Variants in ABCC8 observed in about 807,000 individuals in gnomAD.
ABCC8 encodes the protein ATP binding cassette subfamily C member 8.
In ABCC8, 137 loss-of-function variants were observed where a neutral mutation model predicts 188.0. The observed-to-expected ratio is 0.73, with a 90% confidence interval of 0.63 to 0.84. The LOEUF is 0.84. ABCC8 is among the 40% of genes least tolerant of loss of function. The pLI, the probability that ABCC8 is intolerant of heterozygous loss-of-function variation, is 0.00. For synonymous variants in ABCC8, 797 were observed against 846.5 expected (o/e 0.94, Z 1.01); for missense variants, 1,750 against 2,072.7 (o/e 0.84, Z 3.02).
rs1388582065 is a variant in ABCC8 at position 17,470,101 on chromosome 11, C to A, written c.412G>T (p.Ala138Ser). The A allele has an allele frequency of 1.2e-6, 2 of 1,614,068 alleles. No homozygotes were observed. The highest frequency in any genetic ancestry group is 2.2e-5 in the South Asian group (2 of 91,068). ...ETSNFPKLLI[A>S]LLVYWTLAFI... is the part of the protein sequence containing the mutation. ...CCCCTCCCTCCTACACCTCACCTAC[C>A]AATTAGCAGCTTGGGGAAGTTGGAA... is the stretch of plus-strand genomic sequence containing the variant. The change falls in exon 3 of 39, where the codon GCC becomes TCC. Residue 138 changes from alanine (A) to serine (S), a missense_variant and splice_region_variant. By Grantham distance (99) the Ala-to-Ser change is moderately conservative. Transcript: ENST00000389817.
chr11:17,407,027 C>A lies in ABCC8; in HGVS notation c.3023G>T (p.Gly1008Val). The change falls in exon 25 of 39, where the codon GGC (glycine) becomes GTC (valine). Residue 1008 changes from glycine to valine, a missense_variant. Coordinates refer to ENST00000389817, the MANE Select transcript of ABCC8 (RefSeq NM_000352.6). ...GACCAGCAACGACAGGAGCAGGATG[C>A]CGGCGGAGGACAGGTACTTGGCGCA... ...RACAKYLSSA[G>V]ILLLSLLVFS... 6.2e-7 allele frequency: 1 copy of A among 1,614,180 alleles called. No individual in the cohort carries two copies. The highest frequency in any genetic ancestry group is 8.5e-7 in the Non-Finnish European group (1 of 1,180,048).
At chr11:17,457,360 A>T (rs941391554) in intron 6 of ABCC8, among the ~76,000 whole-genome samples, 1 of 152,168 alleles carries the variant, frequency 6.6e-6, no homozygotes, top group Non-Finnish European at 1.5e-5. Context: ...TCTTAGGGGA[A>T]CTCATTCGGA....
Position 17,463,521 on chromosome 11 carries a change from G to T in ABCC8, c.496C>A (p.Gln166Lys), listed in dbSNP as rs1591896370. The T allele has an allele frequency of 3.1e-6, 5 of 1,599,410 alleles. No individual in the cohort carries two copies. Among genetic ancestry groups the T allele is most frequent in the Non-Finnish European group, 4.3e-6 (5 of 1,173,366 alleles). The change falls in exon 4 of 39, where the codon CAG (glutamine) becomes AAG (lysine). Residue 166 changes from glutamine (Q) to lysine (K), a missense_variant. Physicochemically the swap from Gln to Lys is moderately conservative, Grantham distance 53. Coordinates refer to ENST00000389817, the MANE Select transcript of ABCC8 (RefSeq NM_000352.6). ...KFLDHAIGFS[Q>K]LRFCLTGLLV... Reference sequence around the variant, plus strand: ...AGCCCTGTGAGGCAGAAGCGTAGCTGCGAGAAGCCGATGGCGTGGTCCAAG... The same window carrying T: ...AGCCCTGTGAGGCAGAAGCGTAGCTTCGAGAAGCCGATGGCGTGGTCCAAG...
At chr11:17,446,252 C>T (rs1320287595) in intron 8 of ABCC8, among the ~76,000 whole-genome samples, 1 of 152,114 alleles carries the variant, frequency 6.6e-6, no homozygotes, top group Non-Finnish European at 1.5e-5. Flanking sequence ...AGGAGCGAGC[C>T]ACCATGCCTG....
rs1035174574 is a variant in ABCC8 at position 17,410,420 on chromosome 11, C to A, written c.2694+96G>T. Reference sequence around the variant, plus strand: ...GTCTCTTATGCTTTGTGGCCCTCAGCAGTTGCTACCAAGACAACGGATTGG... The same window carrying A: ...GTCTCTTATGCTTTGTGGCCCTCAGAAGTTGCTACCAAGACAACGGATTGG... On this transcript the variant is annotated intron_variant, in intron 22 of 38. Transcript: ENST00000389817. 5.1e-6 allele frequency: 7 copies of A among 1,364,474 alleles called. No homozygotes were observed. In the East Asian group the frequency reaches 1.6e-4, roughly 31 times the overall value. The allele number at this position is 1,364,474 out of a possible 1,614,324, so 84.5% of individuals were successfully genotyped here.
At chr11:17,407,245 T>C in intron 24 of ABCC8, 109 bp downstream of exon 24, 3 of 1,610,256 alleles carry the variant, frequency 1.9e-6, no homozygotes, top group Non-Finnish European at 2.5e-6. Flanking sequence ...AGGGAAGCCA[T>C]TTAATCAAAG....
Position 17,428,684 on chromosome 11 carries a change from A to G in ABCC8, c.1818-14T>C. ...AGCTTTTGCACGCTGCTCGGGAAGC[A>G]CAGAGACACCCCTCACCCCTGCCAG... On this transcript the variant is annotated splice_polypyrimidine_tract_variant and intron_variant, in intron 12 of 38. Transcript: ENST00000389817. 2.5e-6 allele frequency: 4 copies of G among 1,611,124 alleles called. No individual in the cohort carries two copies. The highest frequency in any genetic ancestry group is 3.4e-6 in the Non-Finnish European group (4 of 1,180,014).
rs1427395321 is a variant in ABCC8 at position 17,427,916 on chromosome 11, G to T, written c.2067C>A (p.Thr689=). ...VQIMGGYFTW[T]PDGIPTLSNI... Reference sequence around the variant, plus strand: ...TGGACAGTGTGGGGATTCCATCTGGGGTCCACGTGAAGTAGCCTCCCATGA... The same window carrying T: ...TGGACAGTGTGGGGATTCCATCTGGTGTCCACGTGAAGTAGCCTCCCATGA... Residue 689 remains threonine, a synonymous_variant, in exon 15 of 39, where the codon ACC becomes ACA. Transcript: ENST00000389817. The surrounding 1 kb of genome is among the most constrained non-coding windows in gnomAD (Gnocchi z 5.0). The T allele has an allele frequency of 6.2e-7, 1 of 1,614,016 alleles. No homozygotes were observed. The highest frequency in any genetic ancestry group is 8.5e-7 in the Non-Finnish European group (1 of 1,179,958).
chr11:17,407,677 T>C (rs755493132), intron 23 of ABCC8, among the ~76,000 whole-genome samples: 23 of 152,192 alleles, frequency 1.5e-4, no homozygotes, highest in Non-Finnish European at 3.1e-4. Flanking sequence ...ACTCTTCCCC[T>C]GTTTTTAGTC....
At chr11:17,394,999 G>T in intron 36 of ABCC8, 173 bp downstream of exon 36, 1 of 790,402 alleles carries the variant, frequency 1.3e-6, no homozygotes, top group Non-Finnish European at 2.0e-6. Context: ...TGTGACCTGG[G>T]GCAAGACACC....
Position 17,470,197 on chromosome 11 carries a change from G to C in ABCC8, c.316C>G (p.Leu106Val). Residue 106 changes from leucine to valine, a missense_variant, in exon 3 of 39, where the codon CTG becomes GTG. Transcript: ENST00000389817. ...AACGCCATCCCGGCTGGCATGTACA[G>C]GTGCAGATGGTGGGATTCGGTCACC... ...DGVTESHHLH[L>V]YMPAGMAFMA... The C allele has an allele frequency of 6.2e-7, 1 of 1,614,202 alleles. No individual in the cohort carries two copies. The highest frequency in any genetic ancestry group is 2.2e-5 in the East Asian group (1 of 44,882).
downstream of ABCC8, chr11:17,392,878 C>T (rs547174051): frequency 2.3e-6 from 3 of 1,324,832 alleles, no homozygotes; most frequent in South Asian, 3.6e-5. Flanking sequence ...AGACTTAGGG[C>T]CTCTAGTAGG....
Position 17,442,790 on chromosome 11 carries a change from C to T in ABCC8, c.1560G>A (p.Thr520=), listed in dbSNP as rs771102562. 12 of 1,613,958 alleles carry T rather than the reference C, an allele frequency of 7.4e-6. No individual in the cohort carries two copies. In the East Asian group the frequency reaches 8.9e-5, roughly 12 times the overall value. The change falls in exon 10 of 39, where the codon ACG becomes ACA. Residue 520 remains threonine, a synonymous_variant. Coordinates refer to ENST00000389817, the MANE Select transcript of ABCC8 (RefSeq NM_000352.6). The part of the protein sequence containing the change: ...KLYAWENIFR[T]RVETTRRKEM... Reference sequence around the variant, plus strand: ...CCTTCCTGCGGGTCGTCTCCACCCGCGTGCGGAAGATGTTCTCCCAGGCGT... The same window carrying T: ...CCTTCCTGCGGGTCGTCTCCACCCGTGTGCGGAAGATGTTCTCCCAGGCGT...
intron 12 of ABCC8, 111 bp downstream of exon 12, chr11:17,430,703 T>TG: frequency 1.6e-6 from 2 of 1,251,776 alleles, no homozygotes; most frequent in Admixed American, 3.4e-5. Flanking sequence ...GGCCCAGCAA[T>TG]GGGGGTGTGT....
chr11:17,440,192 C>T, intron 10 of ABCC8, among the ~76,000 whole-genome samples: 1 of 152,156 alleles, frequency 6.6e-6, no homozygotes, highest in East Asian at 1.9e-4. Flanking sequence ...CTCTCTATCT[C>T]AGCAACGACA....
Position 17,459,369 on chromosome 11 carries a change from A to G in ABCC8, c.1011+1119T>C, listed in dbSNP as rs573894326. Reference sequence around the variant, plus strand: ...ATTGCTTTCATATTCCCACAGCCCAACCCAGGCCTGGCACACAGCAGTGTT... The same window carrying G: ...ATTGCTTTCATATTCCCACAGCCCAGCCCAGGCCTGGCACACAGCAGTGTT... On this transcript the variant is annotated intron_variant, in intron 6 of 38. Transcript: ENST00000389817. Among the ~76,000 whole-genome samples the G allele has an allele frequency of 1.5e-4, 23 of 152,308 alleles. No homozygotes were observed. In the South Asian group the frequency reaches 4.8e-3, roughly 32 times the overall value.
rs758605352 is a variant in ABCC8 at position 17,436,154 on chromosome 11, C to T, written c.1631-3910G>A. ...AAGTGGGCTCGGAGGCAATGACAACCAACATGTCTCAGCAAGAGCACAGCC... is the reference window on the plus strand; with the variant it reads ...AAGTGGGCTCGGAGGCAATGACAACTAACATGTCTCAGCAAGAGCACAGCC... On this transcript the variant is annotated intron_variant, in intron 10 of 38. Coordinates refer to ENST00000389817, the MANE Select transcript of ABCC8 (RefSeq NM_000352.6). The T allele has an allele frequency of 9.3e-6, 7 of 754,248 alleles. No homozygotes were observed. In the East Asian group the frequency reaches 1.5e-4, roughly 16 times the overall value. 46.7% of individuals were successfully genotyped at this position (754,248 alleles called of 1,614,324 possible).
intron 6 of ABCC8, among the ~76,000 whole-genome samples, chr11:17,459,619 G>T (rs1262887155): frequency 1.3e-5 from 2 of 152,190 alleles, no homozygotes; most frequent in African/African-American, 4.8e-5. Context: ...CAGACTGTCT[G>T]TGGTTAAAAT....
intron 16 of ABCC8, among the ~76,000 whole-genome samples, chr11:17,426,769 A>T (rs905634445): frequency 6.6e-6 from 1 of 152,236 alleles, no homozygotes; most frequent in Admixed American, 6.5e-5. Context: ...CAAATAGTTT[A>T]ACCTTCCTCT....
Sources: gnomAD v4.1 joint callset for allele counts (sites outside exome capture counted in the v4.1 genomes callset) on GRCh38, gnomAD v4.1.1 for gene constraint, Gnocchi (gnomAD v3.1) non-coding constraint, MANE v1.5 for transcripts, NCBI Gene and HGNC (gene_info 2026-07-23, HGNC 2026-07-21) for gene names.